Variants in CEACAM1 observed in about 807,000 individuals in gnomAD.
CEACAM1 encodes the protein cell adhesion molecule CEACAM1.
In CEACAM1, 31 loss-of-function variants were observed where a neutral mutation model predicts 49.1. The observed-to-expected ratio is 0.63, with a 90% CI of 0.47 to 0.85. The LOEUF (loss-of-function observed/expected upper bound fraction) is 0.85, where lower values mean the gene tolerates loss of function less well. Among genes scored for constraint, CEACAM1 ranks in the 40% least tolerant of loss-of-function variants. CEACAM1 has a pLI of 0.00. For synonymous variants in CEACAM1, 244 were observed against 247.8 expected (o/e 0.98, Z 0.14); for missense variants, 570 against 645.3 (o/e 0.88, Z 1.26).
rs8110904 is a variant in CEACAM1 at position 42,527,217 on chromosome 19, G to A, written c.248C>T (p.Ala83Val). The A allele has an allele frequency of 0.018, 29,726 of 1,613,440 alleles. 2,573 individuals are homozygous for A. The African/African-American group carries it at 0.33, about 18-fold the overall frequency. Residue 83 changes from alanine to valine, a missense_variant, in exon 2 of 9, where the codon GCA becomes GTA. Ala to Val is a moderately conservative substitution (Grantham distance 64). Coordinates refer to ENST00000161559, the MANE Select transcript of CEACAM1 (RefSeq NM_001712.5). Reference sequence around the variant, plus strand: ...TGGGGTAGCTTGTTGAGTTCCTATTGCATATCCTACAATTTGACGGTTGCC... The same window carrying A: ...TGGGGTAGCTTGTTGAGTTCCTATTACATATCCTACAATTTGACGGTTGCC... ...VDGNRQIVGY[A>V]IGTQQATPGP... is the part of the protein sequence containing the mutation.
In CEACAM1 at chr19:42,519,121, C is replaced by T. The variant is rs142157232; in HGVS notation, c.1073G>A (p.Arg358His). 216 of 1,614,162 alleles carry T rather than the reference C, an allele frequency of 1.3e-4. No homozygotes were observed. In the Admixed American group the frequency reaches 1.9e-3, roughly 15 times the overall value. The stretch of plus-strand genomic sequence containing the variant: ...GAGACTCTGGTTTTTGAAGAACCAA[C>T]GGATGGAGATTCCAGTGTCATTTGT... ...CSTNDTGISI[R>H]WFFKNQSLPS... Residue 358 changes from arginine (R) to histidine (H), a missense_variant, in exon 5 of 9, where the codon CGT becomes CAT. By Grantham distance (29) the Arg-to-His change is conservative. Coordinates refer to ENST00000161559, the MANE Select transcript of CEACAM1 (RefSeq NM_001712.5).
chr19:42,518,872 G>T, intron 5 of CEACAM1, 76 bp downstream of exon 5: 1 of 1,491,708 alleles, frequency 6.7e-7, no homozygotes, highest in Non-Finnish European at 9.3e-7. Context: ...TGCCTCCTGT[G>T]AGTTTTATCC....
intron 5 of CEACAM1, 81 bp from the exon 6 acceptor site, chr19:42,512,560 A>G (rs2041485666): frequency 2.9e-6 from 4 of 1,366,066 alleles, no homozygotes; most frequent in Non-Finnish European, 3.1e-6. Context: ...CTCAGAATGA[A>G]GTAGTTTCTA....
intron 8 of CEACAM1, among the ~76,000 whole-genome samples, chr19:42,510,252 A>AT (rs1334550471): frequency 4.6e-5 from 7 of 151,978 alleles, no homozygotes; most frequent in Admixed American, 3.3e-4. Context: ...CAGCTGGCTA[A>AT]TTTTTTTGTA....
chr19:42,518,792 G>T (rs2041665766), intron 5 of CEACAM1, 156 bp downstream of exon 5: 2 of 866,608 alleles, frequency 2.3e-6, no homozygotes, highest in Non-Finnish European at 3.7e-6. Flanking sequence ...GAGCCACTGT[G>T]CCCGGCCTGA....
chr19:42,516,663 G>C (rs1219813729), intron 5 of CEACAM1: 1 of 165,796 alleles, frequency 6.0e-6, no homozygotes, highest in African/African-American at 2.4e-5. Flanking sequence ...AATTTATATA[G>C]ACTCTGAAGG....
At chr19:42,519,285 GC>G (rs1281656071) in intron 4 of CEACAM1, 50 bp from the exon 5 acceptor site, 5 of 1,581,076 alleles carry the variant, frequency 3.2e-6, no homozygotes, top group Non-Finnish European at 4.3e-6. Context: ...TAGGGTTGGG[GC>G]CTGGGGCCTA....
intron 5 of CEACAM1, chr19:42,516,897 CAAA>C (rs563641508): frequency 2.1e-5 from 9 of 422,742 alleles, no homozygotes; most frequent in African/African-American, 4.3e-5. Flanking sequence ...CAAAACAAAA[CAAA>C]AAAACCCAAA....
In CEACAM1 at chr19:42,510,889, C is replaced by T. The variant is rs1836980831; in HGVS notation, c.1461G>A (p.Lys487=). Residue 487 remains lysine, a splice_region_variant and synonymous_variant, in exon 8 of 9, where the codon AAG becomes AAA. Coordinates refer to ENST00000161559, the MANE Select transcript of CEACAM1 (RefSeq NM_001712.5). The stretch of plus-strand genomic sequence containing the variant: ...GCCCATGAAAACCGGCTATGCTTAC[C>T]TTGTTAGGTGGGTCATTGGAGTGGT... ...TQDHSNDPPN[K]MNEVTYSTLN... is the part of the protein sequence containing the mutation. The T allele has an allele frequency of 6.2e-7, 1 of 1,613,598 alleles. No homozygotes were observed. Among genetic ancestry groups the T allele is most frequent in the Non-Finnish European group, 8.5e-7 (1 of 1,179,512 alleles).
At chr19:42,511,029 T>A in intron 7 of CEACAM1, 109 bp from the exon 8 acceptor site, 1 of 1,011,018 alleles carries the variant, frequency 9.9e-7, no homozygotes, top group Non-Finnish European at 1.6e-6. Context: ...AAGGATCAGT[T>A]AAGGAATTTA....
intron 4 of CEACAM1, among the ~76,000 whole-genome samples, chr19:42,519,851 G>C (rs1169231307): frequency 1.3e-5 from 2 of 152,210 alleles, no homozygotes; most frequent in Non-Finnish European, 1.5e-5. Context: ...TTACAGGCGT[G>C]AGCCACTGTG....
At chr19:42,527,541 G>T in intron 1 of CEACAM1, 141 bp from the exon 2 acceptor site, 1 of 1,190,800 alleles carries the variant, frequency 8.4e-7, no homozygotes, top group Admixed American at 2.4e-5. Context: ...GTGTGTGTGT[G>T]TGTGTGTCCT....
chr19:42,526,056 A>G (rs1183407889), intron 2 of CEACAM1, among the ~76,000 whole-genome samples: 6 of 152,048 alleles, frequency 3.9e-5, no homozygotes, highest in Admixed American at 3.9e-4. Context: ...CCCAGGTTCA[A>G]GCAATTCTCC....
intron 8 of CEACAM1, among the ~76,000 whole-genome samples, chr19:42,510,080 A>G (rs576119437): frequency 1.3e-5 from 2 of 152,096 alleles, no homozygotes; most frequent in African/African-American, 4.8e-5. Context: ...TTGAAAAGGT[A>G]AAATGAAAAC....
intron 7 of CEACAM1, 76 bp from the exon 8 acceptor site, chr19:42,510,996 G>A: frequency 1.5e-6 from 2 of 1,352,800 alleles, no homozygotes; most frequent in South Asian, 2.3e-5. Context: ...TGAAGGAGGT[G>A]GCAGTTGGAG....
rs147117200 is a variant in CEACAM1 at position 42,522,031 on chromosome 19, G to A, written c.596C>T (p.Thr199Ile). The change falls in exon 3 of 9, where the codon ACC (threonine) becomes ATC (isoleucine). Residue 199 changes from threonine to isoleucine, a missense_variant. Coordinates refer to ENST00000161559, the MANE Select transcript of CEACAM1 (RefSeq NM_001712.5). The stretch of plus-strand genomic sequence containing the variant: ...CCTTGTGACACTGAGTAGAGTGAGG[G>A]TCCTGTTGCCATTGGACAGCTGCAG... ...PRLQLSNGNRTLTLLSVTRND... is the reference protein window; with the variant it reads ...PRLQLSNGNRILTLLSVTRND... 2.5e-6 allele frequency: 4 copies of A among 1,614,052 alleles called. No individual in the cohort carries two copies. The African/African-American group carries it at 5.3e-5, about 22-fold the overall frequency.
chr19:42,521,640 A>G, intron 3 of CEACAM1, 119 bp from the exon 4 acceptor site: 1 of 1,528,532 alleles, frequency 6.5e-7, no homozygotes, highest in Non-Finnish European at 8.8e-7. Context: ...TCCTAACCAA[A>G]CCTCCATTGT....
Position 42,527,510 on chromosome 19 carries a change from TGTGTG to T in CEACAM1, c.65-115_65-111del. 9 of 643,678 alleles carry T rather than the reference TGTGTG, an allele frequency of 1.4e-5. No individual in the cohort carries two copies. In the African/African-American group the frequency reaches 1.6e-4, roughly 12 times the overall value. The allele number at this position is 643,678 out of a possible 1,614,324, so 39.9% of individuals were successfully genotyped here. On this transcript the variant is annotated intron_variant, in intron 1 of 8. Transcript: ENST00000161559. ...CTTCACCCCTCCACCTTGGAGTGTGTGTGTGTGTGTGTGTGTGTGTGTGTGTGTGT... is the reference window on the plus strand; with the variant it reads ...CTTCACCCCTCCACCTTGGAGTGTGTTGTGTGTGTGTGTGTGTGTGTGTGT...
At chr19:42,522,298 G>A in intron 2 of CEACAM1, 96 bp from the exon 3 acceptor site, 6 of 1,538,196 alleles carry the variant, frequency 3.9e-6, no homozygotes, top group Non-Finnish European at 5.2e-6. Flanking sequence ...TTTTGGAGAT[G>A]GAGCCTCGCT....
Sources: gnomAD v4.1 joint callset for allele counts (sites outside exome capture counted in the v4.1 genomes callset) on GRCh38, gnomAD v4.1.1 for gene constraint, MANE v1.5 for transcripts, NCBI Gene and HGNC (gene_info 2026-07-23, HGNC 2026-07-21) for gene names.